THSD4: variants seen among roughly 807,000 people sequenced by gnomAD.
The protein encoded by THSD4 is thrombospondin type 1 domain containing 4, also known as thrombospondin type-1 domain-containing protein 4.
THSD4 carries 69 observed loss-of-function variants against 119.0 expected under a neutral mutation model. The observed-to-expected ratio is 0.58, with a 90% CI of 0.48 to 0.71. The LOEUF is 0.71. Among genes scored for constraint, THSD4 ranks in the 30% least tolerant of loss-of-function variants. The pLI is 0.00. For synonymous variants in THSD4, 524 were observed against 540.4 expected (o/e 0.97, Z 0.42); for missense variants, 1,393 against 1,391.1 (o/e 1.00, Z -0.02).
Position 71,748,709 on chromosome 15 carries a change from G to GA in THSD4, c.2415+123dup, listed in dbSNP as rs974105859. On this transcript the variant is annotated intron_variant, in intron 14 of 17. Coordinates refer to ENST00000261862, the MANE Select transcript of THSD4 (RefSeq NM_024817.3). ...CAAGACTGATTTCTGGCTCTGGGGGGAAAAAAAAGGCCCAGAGAGGAATTA... is the reference window on the plus strand; with the variant it reads ...CAAGACTGATTTCTGGCTCTGGGGGGAAAAAAAAAGGCCCAGAGAGGAATTA... 86 of 1,265,760 alleles carry GA rather than the reference G, an allele frequency of 6.8e-5. 2 individuals carry two copies. The highest frequency in any genetic ancestry group is 6.8e-4 in the South Asian group (44 of 65,148). The allele number at this position is 1,265,760 out of a possible 1,614,324, so 78.4% of individuals were successfully genotyped here. A position where few individuals can be genotyped will look rare whatever the true frequency, so the allele number is the denominator to read the frequency against.
chr15:71,619,121 C>G (rs1182768937), intron 7 of THSD4, among the ~76,000 whole-genome samples: 1 of 151,866 alleles, frequency 6.6e-6, no homozygotes, highest in African/African-American at 2.4e-5. Flanking sequence ...AGGTGCCCAC[C>G]ACCACGCCCG....
At chr15:71,137,787 A>C (rs1452302729) in intron 1 of THSD4, among the ~76,000 whole-genome samples, 2 of 152,232 alleles carry the variant, frequency 1.3e-5, no homozygotes, top group Non-Finnish European at 2.9e-5. Context: ...ATACTAGAGC[A>C]GTGGCCTCCA....
chr15:71,597,452 A>G (rs1216768996), intron 7 of THSD4, among the ~76,000 whole-genome samples: 2 of 152,244 alleles, frequency 1.3e-5, no homozygotes, highest in Non-Finnish European at 2.9e-5. Context: ...CAGCTCTTCT[A>G]GACTTCTTTA....
At chr15:71,766,654 G>A (rs1394616824) in intron 16 of THSD4, 1 of 152,136 alleles carries the variant, frequency 6.6e-6, no homozygotes, top group Non-Finnish European at 1.5e-5. Flanking sequence ...AAGGCTTGAG[G>A]ATACAATAAC....
At chr15:71,511,435 C>T (rs550788607) in intron 7 of THSD4, among the ~76,000 whole-genome samples, 2 of 152,268 alleles carry the variant, frequency 1.3e-5, no homozygotes, top group East Asian at 1.9e-4. Context: ...CTGAATTGAA[C>T]ACCACAGATT....
chr15:71,340,245 C>A (rs2045547840), intron 6 of THSD4, among the ~76,000 whole-genome samples: 1 of 152,194 alleles, frequency 6.6e-6, no homozygotes, highest in Non-Finnish European at 1.5e-5. Flanking sequence ...GCCTTGGCTT[C>A]ACATCTTGCC....
chr15:71,139,044 A>G (rs2040577962), intron 1 of THSD4, among the ~76,000 whole-genome samples: 1 of 150,882 alleles, frequency 6.6e-6, no homozygotes, highest in East Asian at 2.0e-4. Flanking sequence ...TGTGAATGCT[A>G]GCCTCACACC....
chr15:71,305,360 C>T (rs2045010199), intron 6 of THSD4, among the ~76,000 whole-genome samples: 1 of 152,172 alleles, frequency 6.6e-6, no homozygotes, highest in East Asian at 1.9e-4. Flanking sequence ...CATCAAACCC[C>T]AGGCTCTTGA....
intron 6 of THSD4, among the ~76,000 whole-genome samples, chr15:71,265,433 G>C (rs537849697): frequency 6.6e-6 from 1 of 152,246 alleles, no homozygotes; most frequent in Non-Finnish European, 1.5e-5. Context: ...CAGATACTAC[G>C]CTTTTGCCGT....
rs1422867504 is a variant in THSD4, at chr15:71,737,795, G to A, written c.1694G>A (p.Gly565Glu). The change falls in exon 11 of 18, where the codon GGG becomes GAG. Residue 565 changes from glycine to glutamate, a missense_variant. By Grantham distance (98) the Gly-to-Glu change is moderately conservative (BLOSUM62 -2). Transcript: ENST00000261862. ...GRSQEEGEQKGRNEEKEDLRG... is the reference protein window; with the variant it reads ...GRSQEEGEQKERNEEKEDLRG... ...AGCCAGGAGGAGGGAGAACAGAAAG[G>A]GAGGAACGAGGAGAAGGAAGACTTG... 3.7e-6 allele frequency: 6 copies of A among 1,614,104 alleles called. No individual in the cohort carries two copies. Among genetic ancestry groups the A allele is most frequent in the Non-Finnish European group, 5.1e-6 (6 of 1,180,016 alleles).
At chr15:71,416,777 G>A (rs1175403287) in intron 7 of THSD4, among the ~76,000 whole-genome samples, 2 of 93,844 alleles carry the variant, frequency 2.1e-5, no homozygotes, top group African/African-American at 7.7e-5. Flanking sequence ...TTTTATTTTC[G>A]AGATGGAGTC....
At chr15:71,526,800 G>C (rs2048527309) in intron 7 of THSD4, among the ~76,000 whole-genome samples, 1 of 152,184 alleles carries the variant, frequency 6.6e-6, no homozygotes, top group African/African-American at 2.4e-5. Flanking sequence ...ATTTGTATTT[G>C]ATTCAACCTA....
intron 7 of THSD4, among the ~76,000 whole-genome samples, chr15:71,476,422 AG>A (rs1337623044): frequency 4.6e-5 from 7 of 151,932 alleles, no homozygotes; most frequent in South Asian, 2.1e-4. Context: ...TTGTATTTTT[AG>A]TAGAGACAGG....
chr15:71,203,140 A>G (rs1286520157), intron 3 of THSD4, among the ~76,000 whole-genome samples: 1 of 152,070 alleles, frequency 6.6e-6, no homozygotes, highest in Non-Finnish European at 1.5e-5. Context: ...AGCTGAGAGA[A>G]CAGCCAGGTG....
chr15:71,538,403 C>CA (rs146936783), intron 7 of THSD4, among the ~76,000 whole-genome samples: 40,726 of 152,060 alleles, frequency 0.27, 6,194 homozygotes, highest in East Asian at 0.63. Flanking sequence ...AATCCCTCTA[C>CA]ATGTTTAGTC....
intron 8 of THSD4, among the ~76,000 whole-genome samples, chr15:71,682,320 C>G (rs2141032439): frequency 6.6e-6 from 1 of 152,310 alleles, no homozygotes; most frequent in East Asian, 1.9e-4. Context: ...GAAAAGTTCT[C>G]TATTCAAAAC....
upstream of THSD4, chr15:71,111,064 TA>T: frequency 7.0e-7 from 1 of 1,421,562 alleles, no homozygotes; most frequent in Non-Finnish European, 9.5e-7. Flanking sequence ...TGGCTGTGAG[TA>T]TTATCATTTG....
intron 6 of THSD4, among the ~76,000 whole-genome samples, chr15:71,411,016 C>A (rs1347552979): frequency 1.3e-5 from 2 of 152,174 alleles, no homozygotes; most frequent in African/African-American, 2.4e-5. Flanking sequence ...CCACTGCGCT[C>A]CAGCCTGGGT....
At chr15:71,621,602 G>A (rs1389748594) in intron 7 of THSD4, among the ~76,000 whole-genome samples, 1 of 151,992 alleles carries the variant, frequency 6.6e-6, no homozygotes, top group African/African-American at 2.4e-5. Context: ...CTGATTAACT[G>A]TTACTATAGC....
Sources: allele counts gnomAD v4.1 joint callset (sites outside exome capture counted in the v4.1 genomes callset), GRCh38; gene constraint gnomAD v4.1.1; transcripts MANE v1.5; gene names NCBI Gene and HGNC (gene_info 2026-07-23, HGNC 2026-07-21).